ADAMTSL1: variants seen among roughly 807,000 people sequenced by gnomAD.
The protein encoded by ADAMTSL1 is ADAMTS-like protein 1.
ADAMTSL1 carries 126 observed loss-of-function variants against 201.8 expected under a neutral mutation model. The observed-to-expected ratio is 0.62, with a 90% CI of 0.54 to 0.72. ADAMTSL1 has a LOEUF of 0.72. ADAMTSL1 is among the 30% of genes least tolerant of loss of function. The probability of loss-of-function intolerance (pLI) is 0.00; values close to 1 mark genes in which losing one functional copy is unlikely to be tolerated. For synonymous variants in ADAMTSL1, 1,121 were observed against 903.4 expected (o/e 1.24, Z -4.32); for missense variants, 2,679 against 2,277.8 (o/e 1.18, Z -3.59).
intron 1 of ADAMTSL1, among the ~76,000 whole-genome samples, chr9:18,072,627 G>A (rs540323830): frequency 2.6e-5 from 4 of 152,130 alleles, no homozygotes; most frequent in African/African-American, 9.7e-5. Context: ...ATCACCACAG[G>A]TTGATTATCT....
intron 2 of ADAMTSL1, among the ~76,000 whole-genome samples, chr9:18,424,624 T>C (rs1819120654): frequency 6.6e-6 from 1 of 152,208 alleles, no homozygotes; most frequent in African/African-American, 2.4e-5. Flanking sequence ...AAGAAAGCTG[T>C]GCCCATATTG....
intron 2 of ADAMTSL1, among the ~76,000 whole-genome samples, chr9:18,251,113 T>C (rs1293219938): frequency 6.6e-6 from 1 of 151,938 alleles, no homozygotes; most frequent in Non-Finnish European, 1.5e-5. Flanking sequence ...AAAAGTATAA[T>C]TAAAAATTAA....
chr9:18,652,394 A>G (rs1041964243), intron 7 of ADAMTSL1, among the ~76,000 whole-genome samples: 1 of 151,762 alleles, frequency 6.6e-6, no homozygotes, highest in African/African-American at 2.4e-5. Context: ...GGAAAAAAAA[A>G]GAAAGCCTTT....
At chr9:18,787,947 G>C (rs1821798505) in intron 19 of ADAMTSL1, among the ~76,000 whole-genome samples, 1 of 152,176 alleles carries the variant, frequency 6.6e-6, no homozygotes, top group Admixed American at 6.5e-5. Context: ...TTCTGAAAGA[G>C]AAGGAAGTTA....
rs577562907 is a variant in ADAMTSL1 at position 17,995,996 on chromosome 9, G to C, written c.87+89074G>C. ...AACGTAATCTAAGCTCCTTAGAATC[G>C]TGTCTAGCTCAAAGCAAGTGCTTTA... On this transcript the variant is annotated intron_variant, in intron 1 of 29. Coordinates refer to the ADAMTSL1 transcript ENST00000680146. Among the ~76,000 whole-genome samples, 5 of 152,026 alleles carry C rather than the reference G, an allele frequency of 3.3e-5. No individual in the cohort carries two copies. In the South Asian group the frequency reaches 1.0e-3, roughly 32 times the overall value.
rs567307990 is a variant in ADAMTSL1 at position 18,499,003 on chromosome 9, T to C, written c.64-5826T>C. Among the ~76,000 whole-genome samples the C allele has an allele frequency of 3.2e-4, 48 of 152,376 alleles. No individual in the cohort carries two copies. In the South Asian group the frequency reaches 9.1e-3, roughly 29 times the overall value. The stretch of plus-strand genomic sequence containing the variant: ...AAGCGCACTGGAATGTGTGCATAGA[T>C]GCTGAGAAAGCAAAAGGGAGACAGG... On this transcript the variant is annotated intron_variant, in intron 1 of 28. Coordinates refer to ENST00000380548, the MANE Select transcript of ADAMTSL1 (RefSeq NM_001040272.6).
At chr9:18,340,885 G>A (rs1204690324) in intron 2 of ADAMTSL1, among the ~76,000 whole-genome samples, 2 of 152,050 alleles carry the variant, frequency 1.3e-5, no homozygotes, top group Non-Finnish European at 2.9e-5. Context: ...GTGTTTATTA[G>A]CAGCATGAGA....
intron 2 of ADAMTSL1, among the ~76,000 whole-genome samples, chr9:18,519,603 T>A (rs1818561924): frequency 6.6e-6 from 1 of 152,258 alleles, no homozygotes; most frequent in Non-Finnish European, 1.5e-5. Context: ...AAGTAAATAA[T>A]AACTTTGATA....
rs117999479 is a variant in ADAMTSL1, at chr9:18,757,470, G to A, written c.2217+3962G>A. On this transcript the variant is annotated intron_variant, in intron 16 of 28. Coordinates refer to ENST00000380548, the MANE Select transcript of ADAMTSL1 (RefSeq NM_001040272.6). The stretch of plus-strand genomic sequence containing the variant: ...TTTGATCATGACAGTCTACTGCTAG[G>A]ATTTTTCTCAGTGACTCTAAAGCCA... Among the ~76,000 whole-genome samples the A allele has an allele frequency of 2.0e-5, 3 of 152,164 alleles. No homozygotes were observed. The East Asian group carries it at 5.8e-4, about 29-fold the overall frequency.
chr9:18,178,568 G>A (rs1003492888), intron 2 of ADAMTSL1, among the ~76,000 whole-genome samples: 2 of 151,882 alleles, frequency 1.3e-5, no homozygotes, highest in Non-Finnish European at 2.9e-5. Flanking sequence ...TCCACCTCTG[G>A]GGGCAGGGCA....
intron 2 of ADAMTSL1, among the ~76,000 whole-genome samples, chr9:18,334,649 C>T (rs952326612): frequency 2.6e-5 from 4 of 152,150 alleles, no homozygotes; most frequent in African/African-American, 7.2e-5. Context: ...CTAATTTCTG[C>T]ATTTCTTCCA....
chr9:18,159,115 T>C (rs1827276890), intron 1 of ADAMTSL1, among the ~76,000 whole-genome samples: 1 of 152,048 alleles, frequency 6.6e-6, no homozygotes, highest in African/African-American at 2.4e-5. Context: ...AATAATACAG[T>C]GGCCAGTTAC....
chr9:18,285,282 C>T (rs930860354), intron 2 of ADAMTSL1, among the ~76,000 whole-genome samples: 4 of 151,856 alleles, frequency 2.6e-5, no homozygotes, highest in African/African-American at 9.7e-5. Context: ...TACTATATTC[C>T]CTGTGCTATG....
At chr9:18,653,604 C>T (rs975565607) in intron 7 of ADAMTSL1, among the ~76,000 whole-genome samples, 1 of 127,006 alleles carries the variant, frequency 7.9e-6, no homozygotes, top group Non-Finnish European at 1.6e-5. Context: ...AGTGAGACCC[C>T]ATTTCTATGA....
chr9:18,443,473 G>A (rs756188342), intron 2 of ADAMTSL1, among the ~76,000 whole-genome samples: 3 of 152,200 alleles, frequency 2.0e-5, no homozygotes, highest in Admixed American at 2.0e-4. Flanking sequence ...CAAAGTTAGT[G>A]AGGTATTCTT....
At chr9:18,762,174 A>G (rs780780128) in intron 16 of ADAMTSL1, among the ~76,000 whole-genome samples, 1 of 152,162 alleles carries the variant, frequency 6.6e-6, no homozygotes, top group Non-Finnish European at 1.5e-5. Context: ...CCTTTCCTCA[A>G]AAGACTCATA....
chr9:18,824,392 G>A (rs57543615), intron 21 of ADAMTSL1, among the ~76,000 whole-genome samples: 1 of 152,172 alleles, frequency 6.6e-6, no homozygotes, highest in Non-Finnish European at 1.5e-5. Flanking sequence ...CCTACTGTTA[G>A]AGCCAGATTA....
In ADAMTSL1 at chr9:18,287,381, ATATG is replaced by A. The variant is rs747694556; in HGVS notation, c.207+123402_207+123405del. Reference sequence around the variant, plus strand: ...CATACATATACACACATACATGTATATATGTGTGTATATATGCACATACACATAT... The same window carrying A: ...CATACATATACACACATACATGTATATGTGTATATATGCACATACACATAT... On this transcript the variant is annotated intron_variant, in intron 2 of 29. Transcript: ENST00000680146. Among the ~76,000 whole-genome samples, 5 of 151,970 alleles carry A rather than the reference ATATG, an allele frequency of 3.3e-5. No homozygotes were observed. In the South Asian group the frequency reaches 6.2e-4, roughly 19 times the overall value.
At chr9:18,557,492 A>G (rs945596024) in intron 3 of ADAMTSL1, among the ~76,000 whole-genome samples, 5 of 152,034 alleles carry the variant, frequency 3.3e-5, no homozygotes, top group African/African-American at 1.2e-4. Flanking sequence ...ATGTTACTAA[A>G]AGAGGTATTT....
Sources: gnomAD v4.1 joint callset for allele counts (sites outside exome capture counted in the v4.1 genomes callset) on GRCh38, gnomAD v4.1.1 for gene constraint, MANE v1.5 for transcripts, NCBI Gene and HGNC (gene_info 2026-07-23, HGNC 2026-07-21) for gene names.